Variants in MPPED1 observed in about 807,000 individuals in gnomAD.
The protein encoded by MPPED1 is metallophosphoesterase domain containing 1.
A neutral mutation model predicts 36.2 loss-of-function variants in MPPED1; 16 were observed. The observed-to-expected ratio is 0.44, with a 90% CI of 0.30 to 0.67. The LOEUF is 0.67. Ranked by LOEUF, MPPED1 falls within the 30% of genes least tolerant of loss-of-function variation. The pLI is 0.10. For missense variants in MPPED1, 307 were observed against 453.4 expected (o/e 0.68, Z 2.93); for synonymous variants, 199 against 191.3 (o/e 1.04, Z -0.33).
intron 5 of MPPED1, among the ~76,000 whole-genome samples, chr22:43,500,385 A>ATGGTGATGGAGGTGGTAGTGG (rs1280788013): frequency 1.4e-4 from 10 of 70,922 alleles, no homozygotes; most frequent in Admixed American, 2.4e-4. Flanking sequence ...GGTGGTGGTG[A>ATGGTGATGGAGGTGGTAGTGG]TGGTGATGGA....
At chr22:43,435,573 G>A (rs1929930010) in intron 3 of MPPED1, among the ~76,000 whole-genome samples, 1 of 152,180 alleles carries the variant, frequency 6.6e-6, no homozygotes, top group Non-Finnish European at 1.5e-5. Flanking sequence ...ATTGATGAAT[G>A]AGGCCGGGTG....
chr22:43,498,698 G>T (rs1932510651), intron 5 of MPPED1, among the ~76,000 whole-genome samples: 2 of 152,048 alleles, frequency 1.3e-5, no homozygotes, highest in Admixed American at 6.5e-5. Flanking sequence ...CCTCCGGGCA[G>T]CCCTAACTCC....
intron 3 of MPPED1, among the ~76,000 whole-genome samples, chr22:43,467,970 G>T (rs1307246764): frequency 6.6e-6 from 1 of 152,176 alleles, no homozygotes; most frequent in Non-Finnish European, 1.5e-5. Flanking sequence ...TTTGGAGGGA[G>T]ATTAATCTCG....
At chr22:43,452,641 C>G (rs1262501057) in intron 3 of MPPED1, among the ~76,000 whole-genome samples, 1 of 151,902 alleles carries the variant, frequency 6.6e-6, no homozygotes, top group Admixed American at 6.6e-5. Flanking sequence ...ATATTTTATT[C>G]TTTTTTGAGA....
intron 2 of MPPED1, among the ~76,000 whole-genome samples, chr22:43,427,243 G>A (rs768857304): frequency 5.3e-5 from 8 of 152,238 alleles, no homozygotes; most frequent in Non-Finnish European, 1.2e-4. Flanking sequence ...GCCAGGGAAA[G>A]AGGAAGACAG....
At chr22:43,477,481 A>G (rs1601998572) in intron 4 of MPPED1, among the ~76,000 whole-genome samples, 1 of 152,272 alleles carries the variant, frequency 6.6e-6, no homozygotes, top group Non-Finnish European at 1.5e-5. Flanking sequence ...CTCCCCTGGG[A>G]GGCTGGGTCC....
intron 5 of MPPED1, among the ~76,000 whole-genome samples, chr22:43,499,946 G>A (rs1932605593): frequency 7.8e-6 from 1 of 128,854 alleles, no homozygotes; most frequent in African/African-American, 3.4e-5. Flanking sequence ...AGGTGGTGGT[G>A]GTGGTGGTGA....
intron 2 of MPPED1, 112 bp downstream of exon 2, chr22:43,425,321 G>T (rs1426185470): frequency 7.0e-7 from 1 of 1,434,856 alleles, no homozygotes; most frequent in African/African-American, 1.4e-5. Context: ...TTGAATGTTT[G>T]TTGACTGCAA....
rs753427064 is a variant in MPPED1, at chr22:43,497,935, G to GTATATATATATATATATATATATATATA, written c.633-287_633-286insATATATATATATATATATATATATATAT. ...AAGAAGCTGATATATATATGTATAT[G>GTATATATATATATATATATATATATATA]TATATATATATATGTATTTAGCTTT... On this transcript the variant is annotated intron_variant, in intron 4 of 6. Coordinates refer to ENST00000443721, the MANE Select transcript of MPPED1 (RefSeq NM_001044370.2). Among the ~76,000 whole-genome samples the GTATATATATATATATATATATATATATA allele has an allele frequency of 1.6e-4, 21 of 128,368 alleles. 1 individual carries two copies. The highest frequency in any genetic ancestry group is 3.1e-4 in the African/African-American group (9 of 28,934). The allele number at this position is 128,368 out of a possible 152,430, so 84.2% of individuals were successfully genotyped here. A position where few individuals can be genotyped will look rare whatever the true frequency, so the allele number is the denominator to read the frequency against.
At chr22:43,468,025 C>T (rs989387391) in intron 3 of MPPED1, among the ~76,000 whole-genome samples, 2 of 152,184 alleles carry the variant, frequency 1.3e-5, no homozygotes, top group African/African-American at 2.4e-5. Flanking sequence ...CCCTCTGCCC[C>T]GTGCGGCAGC....
At chr22:43,446,721 A>G (rs1326623912) in intron 3 of MPPED1, among the ~76,000 whole-genome samples, 7 of 152,206 alleles carry the variant, frequency 4.6e-5, no homozygotes. Flanking sequence ...GTATGAGCAC[A>G]GGCCTTCCAG....
chr22:43,415,497 A>T (rs1929049522), intron 1 of MPPED1, among the ~76,000 whole-genome samples: 3 of 141,228 alleles, frequency 2.1e-5, no homozygotes, highest in South Asian at 2.6e-4. Flanking sequence ...CCAATTTCAT[A>T]AAAAAATCAT....
chr22:43,435,301 C>T, intron 3 of MPPED1, 86 bp downstream of exon 3: 6 of 1,433,850 alleles, frequency 4.2e-6, no homozygotes, highest in Middle Eastern at 4.0e-4. Context: ...CCTGCCTTTC[C>T]CTCCTGCGCT....
At chr22:43,412,198 G>T in intron 1 of MPPED1, 40 bp downstream of exon 1, 1 of 966,054 alleles carries the variant, frequency 1.0e-6, no homozygotes, top group South Asian at 4.6e-5. Context: ...GGCGCGGGCG[G>T]GAGGCCGGGC....
intron 4 of MPPED1, among the ~76,000 whole-genome samples, chr22:43,491,581 AGAT>A (rs1443803124): frequency 3.7e-5 from 4 of 108,630 alleles, no homozygotes; most frequent in Admixed American, 9.1e-5. Flanking sequence ...GTGGTGATGA[AGAT>A]GATGGTGGTG....
chr22:43,433,574 T>G (rs1929843062), intron 2 of MPPED1, among the ~76,000 whole-genome samples: 1 of 58,358 alleles, frequency 1.7e-5, no homozygotes, highest in African/African-American at 5.3e-5. Context: ...GGATTCTCCC[T>G]AGGCCTAGCA....
At chr22:43,453,641 C>G (rs1404457047) in intron 3 of MPPED1, among the ~76,000 whole-genome samples, 1 of 152,078 alleles carries the variant, frequency 6.6e-6, no homozygotes, top group East Asian at 1.9e-4. Flanking sequence ...TGTTTATTTC[C>G]AAGATGAGAA....
intron 3 of MPPED1, among the ~76,000 whole-genome samples, chr22:43,441,513 G>T (rs1017058215): frequency 1.3e-5 from 2 of 152,192 alleles, no homozygotes; most frequent in African/African-American, 4.8e-5. Context: ...GTGCCCAGGG[G>T]TGTTTGTTGT....
At chr22:43,445,584 A>G (rs1187165405) in intron 3 of MPPED1, among the ~76,000 whole-genome samples, 1 of 137,120 alleles carries the variant, frequency 7.3e-6, no homozygotes, top group East Asian at 2.1e-4. Context: ...TTTTGCAGAC[A>G]GGATCTCACT....
Sources: allele counts gnomAD v4.1 joint callset (sites outside exome capture counted in the v4.1 genomes callset), GRCh38; gene constraint gnomAD v4.1.1; transcripts MANE v1.5; gene names NCBI Gene and HGNC (gene_info 2026-07-23, HGNC 2026-07-21).